MCAT: variants seen among roughly 807,000 people sequenced by gnomAD.
The protein encoded by MCAT is malonyl-CoA-acyl carrier protein transacylase, mitochondrial.
A neutral mutation model predicts 22.9 loss-of-function variants in MCAT; 22 were observed. The ratio of observed to expected loss-of-function variants is 0.96; its 90% CI spans 0.69 to 1.37. MCAT has a LOEUF of 1.37. Ranked by LOEUF, MCAT falls within the 40% of genes most tolerant of loss-of-function variation. The pLI is 0.00. For synonymous variants in MCAT, 240 were observed against 233.9 expected, an observed-to-expected ratio of 1.03 and a Z score of -0.24; for missense variants, 534 against 533.6, an observed-to-expected ratio of 1.00 and a Z score of -0.01.
At position 43,143,370 on chromosome 22, in the gene MCAT, C is replaced by T; in HGVS notation, c.-22G>A. 4 of 1,348,514 alleles carry T rather than the reference C, an allele frequency of 3.0e-6. 1 individual carries two copies. In the South Asian group the frequency reaches 5.5e-5, roughly 19 times the overall value. 83.5% of individuals were successfully genotyped at this position (1,348,514 alleles called of 1,614,324 possible). ...TCATGGTCGGACACCTGCCCGCGCG[C>T]GTTACCGTGGCGACCGAGGCCCGAC... On this transcript the variant is annotated 5_prime_UTR_variant, in exon 1 of 4. Coordinates refer to ENST00000290429, the MANE Select transcript of MCAT (RefSeq NM_173467.5).
intron 1 of MCAT, among the ~76,000 whole-genome samples, chr22:43,142,298 G>GCAGA (rs1930790060): frequency 6.6e-6 from 1 of 152,178 alleles, no homozygotes; most frequent in Non-Finnish European, 1.5e-5. Context: ...GGAGGCCGAG[G>GCAGA]TGGGTGAACC....
At chr22:43,138,423 G>C (rs1478258897) in intron 2 of MCAT, among the ~76,000 whole-genome samples, 5 of 152,150 alleles carry the variant, frequency 3.3e-5, no homozygotes, top group Admixed American at 3.3e-4. Flanking sequence ...AGAGAGGGCA[G>C]GCAGTGCCAA....
In MCAT at chr22:43,133,055, C is replaced by A. The variant is rs77547475; in HGVS notation, c.1161G>T (p.Glu387Asp). The A allele has an allele frequency of 4.1e-3, 6,588 of 1,613,410 alleles. 245 individuals are homozygous for A. The African/African-American group carries it at 0.077, about 19-fold the overall frequency. Residue 387 changes from glutamate (E) to aspartate (D), a missense_variant, in exon 4 of 4, where the codon GAG becomes GAT. Glu to Asp is a conservative substitution (Grantham distance 45, BLOSUM62 2). Transcript: ENST00000290429. ...GAGCCCCCTGCAGTCATCTCGGGGG[C>A]TCCTGAGGGTCCAGGTCCACATGTT... ...TLEHVDLDPQEPPR is the reference protein window; with the variant it reads ...TLEHVDLDPQDPPR
chr22:43,143,350 G>A lies in MCAT; in HGVS notation c.-2C>T. 2 of 1,366,954 alleles carry A rather than the reference G, an allele frequency of 1.5e-6. No homozygotes were observed. The highest frequency in any genetic ancestry group is 3.1e-5 in the East Asian group (1 of 32,566). The allele number at this position is 1,366,954 out of a possible 1,614,324, so 84.7% of individuals were successfully genotyped here. A position where few individuals can be genotyped will look rare whatever the true frequency, so the allele number is the denominator to read the frequency against. ...TACCCGTGCGACCCGGACGCTCATGGTCGGACACCTGCCCGCGCGCGTTAC... is the reference window on the plus strand; with the variant it reads ...TACCCGTGCGACCCGGACGCTCATGATCGGACACCTGCCCGCGCGCGTTAC... On this transcript the variant is annotated 5_prime_UTR_variant, in exon 1 of 4. Transcript: ENST00000290429.
intron 3 of MCAT, 84 bp from the exon 4 acceptor site, chr22:43,133,570 A>G (rs1233247284): frequency 9.4e-7 from 1 of 1,064,668 alleles, no homozygotes; most frequent in African/African-American, 1.6e-5. Context: ...CCAAACTGGG[A>G]GGGTGACCAC....
chr22:43,139,491 A>C (rs1227704504), intron 2 of MCAT, among the ~76,000 whole-genome samples: 1 of 152,186 alleles, frequency 6.6e-6, no homozygotes, highest in Non-Finnish European at 1.5e-5. Flanking sequence ...GCACCACTGC[A>C]CTGCAGCTGG....
Position 43,137,225 on chromosome 22 carries a change from A to C in MCAT, c.585T>G (p.Ser195=), listed in dbSNP as rs576845818. Residue 195 remains serine (S), a synonymous_variant, in exon 3 of 4, where the codon TCT becomes TCG. Transcript: ENST00000290429. ...ACTTGGACTGAGGCTGGCCGAGGAC[A>C]GACAGCATCCCACTGGGGACAGCTT... ...ASEAVPSGML[S]VLGQPQSKFN... is the part of the protein sequence containing the mutation. The C allele has an allele frequency of 1.2e-6, 2 of 1,614,210 alleles. No homozygotes were observed. The highest frequency in any genetic ancestry group is 2.2e-5 in the South Asian group (2 of 91,088).
chr22:43,133,071 T>TCCA lies in MCAT; in HGVS notation c.1142_1144dup (p.Val381dup). On this transcript the variant is annotated inframe_insertion, in exon 4 of 4. Coordinates refer to ENST00000290429, the MANE Select transcript of MCAT (RefSeq NM_173467.5). ...TCTCGGGGGCTCCTGAGGGTCCAGG[T>TCCA]CCACATGTTCGAGGGTCTGCAGCAC... 1.2e-6 allele frequency: 2 copies of TCCA among 1,613,934 alleles called. No individual in the cohort carries two copies. The highest frequency in any genetic ancestry group is 1.7e-6 in the Non-Finnish European group (2 of 1,179,948).
chr22:43,132,979 A>T lies in MCAT; in HGVS notation c.*64T>A. 6.7e-7 allele frequency: 1 copy of T among 1,487,050 alleles called. No homozygotes were observed. The highest frequency in any genetic ancestry group is 9.2e-7 in the Non-Finnish European group (1 of 1,090,084). 92.1% of individuals were successfully genotyped at this position (1,487,050 alleles called of 1,614,324 possible). A position where few individuals can be genotyped will look rare whatever the true frequency, so the allele number is the denominator to read the frequency against. ...AGCCATTAGGAAGGTAGGGGGCGAC[A>T]GGCACAGCCTACAGCCTCTCCTCAG... On this transcript the variant is annotated 3_prime_UTR_variant, in exon 4 of 4. Transcript: ENST00000290429.
downstream of MCAT, chr22:43,132,208 C>T (rs1930464581): frequency 6.6e-6 from 1 of 152,236 alleles, no homozygotes; most frequent in African/African-American, 2.4e-5. Flanking sequence ...ACCCAAGCAG[C>T]TTGGAATGTC....
Position 43,133,921 on chromosome 22 carries a change from T to C in MCAT, c.730-435A>G, listed in dbSNP as rs371690358. Among the ~76,000 whole-genome samples, 410 of 151,724 alleles carry C rather than the reference T, an allele frequency of 2.7e-3. 6 individuals are homozygous for C. The highest frequency in any genetic ancestry group is 9.6e-3 in the African/African-American group (395 of 41,322). ...CCCAGGTTCACACCATTCTCCTGCC[T>C]CAGCCTCCCAAGTAGCTGGGACTAC... On this transcript the variant is annotated intron_variant, in intron 3 of 3. Transcript: ENST00000290429.
In MCAT at chr22:43,133,164, C is replaced by T. The variant is rs1401464686; in HGVS notation, c.1052G>A (p.Gly351Asp). ...CTTCAGGATGGCTCCCAGCTGCCTG[C>T]CAGGGCCTACTTCGAAAGTTTGGGG... ...GFPQTFEVGPGRQLGAILKSC... is the reference protein window; with the variant it reads ...GFPQTFEVGPDRQLGAILKSC... The change falls in exon 4 of 4, where the codon GGC becomes GAC. Residue 351 changes from glycine (G) to aspartate (D), a missense_variant. Transcript: ENST00000290429. 6.2e-7 allele frequency: 1 copy of T among 1,614,126 alleles called. No homozygotes were observed. Among genetic ancestry groups the T allele is most frequent in the Non-Finnish European group, 8.5e-7 (1 of 1,180,058 alleles).
intron 2 of MCAT, 117 bp downstream of exon 2, chr22:43,141,043 CCT>C (rs1484606664): frequency 2.7e-6 from 2 of 750,356 alleles, no homozygotes; most frequent in Non-Finnish European, 4.8e-6. Flanking sequence ...CAATGTCACC[CCT>C]GTCCATGTGC....
intron 2 of MCAT, among the ~76,000 whole-genome samples, chr22:43,138,682 A>G (rs1366430000): frequency 1.3e-5 from 2 of 152,166 alleles, no homozygotes; most frequent in South Asian, 2.1e-4. Flanking sequence ...GGCTACAGTG[A>G]GCTGTGTTCA....
chr22:43,141,551 C>T (rs1206126757), intron 1 of MCAT, among the ~76,000 whole-genome samples: 2 of 152,062 alleles, frequency 1.3e-5, no homozygotes, highest in South Asian at 2.1e-4. Flanking sequence ...CAGGCCATAT[C>T]GTTGTGCACA....
intron 2 of MCAT, among the ~76,000 whole-genome samples, chr22:43,140,336 A>G (rs1930733518): frequency 6.6e-6 from 1 of 152,044 alleles, no homozygotes; most frequent in African/African-American, 2.4e-5. Context: ...CACTAAGTGC[A>G]GCTAATTTTG....
chr22:43,133,389 G>C lies in MCAT; in HGVS notation c.827C>G (p.Pro276Arg), dbSNP rs763259057. 1 of 1,614,160 alleles carries C rather than the reference G, an allele frequency of 6.2e-7. No individual in the cohort carries two copies. ...AGCTTGCGTCAGGGGCTCCACGGCT[G>C]GCTCCATGAGGCGGGTGTGGAATGC... Reference protein sequence around the residue: ...SGAFHTRLMEPAVEPLTQALK... With the variant: ...SGAFHTRLMERAVEPLTQALK... Residue 276 changes from proline to arginine, a missense_variant, in exon 4 of 4, where the codon CCA becomes CGA. Physicochemically the swap from Pro to Arg is moderately radical, Grantham distance 103. Coordinates refer to ENST00000290429, the MANE Select transcript of MCAT (RefSeq NM_173467.5).
In MCAT at chr22:43,137,275, C is replaced by A. The variant is rs1404347217; in HGVS notation, c.535G>T (p.Ala179Ser). 5.6e-6 allele frequency: 9 copies of A among 1,613,964 alleles called. No individual in the cohort carries two copies. Among genetic ancestry groups the A allele is most frequent in the Non-Finnish European group, 5.9e-6 (7 of 1,180,020 alleles). ...TCTGAAGCTTCCTGCATGGCCTCAG[C>A]TCGGATTTTCACTGCATACAAACCT... The part of the protein sequence containing the change: ...AEGLYAVKIR[A>S]EAMQEASEAV... Residue 179 changes from alanine (A) to serine (S), a missense_variant, in exon 3 of 4, where the codon GCT becomes TCT. Physicochemically the swap from Ala to Ser is moderately conservative, Grantham distance 99. Coordinates refer to ENST00000290429, the MANE Select transcript of MCAT (RefSeq NM_173467.5).
At position 43,133,224 on chromosome 22, in the gene MCAT, T is replaced by C. The variant is rs1386611847; in HGVS notation, c.992A>G (p.His331Arg). 1.9e-6 allele frequency: 3 copies of C among 1,614,136 alleles called. No homozygotes were observed. Among genetic ancestry groups the C allele is most frequent in the Middle Eastern group, 1.6e-4 (1 of 6,084 alleles). ...VSPVKWEQTM[H>R]AIYERKKGRG... ...GCCCTTTTTCCTTTCGTATATGGCA[T>C]GCATCGTCTGCTCCCACTTCACTGG... The change falls in exon 4 of 4, where the codon CAT becomes CGT. Residue 331 changes from histidine (H) to arginine (R), a missense_variant. Physicochemically the swap from His to Arg is conservative, Grantham distance 29 (BLOSUM62 0). Transcript: ENST00000290429.
Sources: gnomAD v4.1 joint callset for allele counts (sites outside exome capture counted in the v4.1 genomes callset) on GRCh38, gnomAD v4.1.1 for gene constraint, MANE v1.5 for transcripts, NCBI Gene and HGNC (gene_info 2026-07-23, HGNC 2026-07-21) for gene names.